The following LTA4H variants were observed in gnomAD, a reference collection of about 807,000 sequenced individuals.
LTA4H encodes the protein leukotriene A-4 hydrolase.
LTA4H carries 59 observed loss-of-function variants against 89.8 expected under a neutral mutation model. That is an observed-to-expected ratio of 0.66 (90% CI 0.53 to 0.82). The LOEUF is 0.82. LTA4H is among the 40% of genes least tolerant of loss of function. LTA4H has a pLI of 0.00. For synonymous variants in LTA4H, 227 were observed against 253.1 expected, an observed-to-expected ratio of 0.90 and a Z score of 0.98; for missense variants, 617 against 727.0, an observed-to-expected ratio of 0.85 and a Z score of 1.74.
At chr12:96,009,170 T>A in intron 14 of LTA4H, 22 bp from the exon 15 acceptor site, 1 of 1,530,698 alleles carries the variant, frequency 6.5e-7, no homozygotes, top group South Asian at 1.1e-5. Context: ...AAGATTACAT[T>A]GTTTAAAAAT....
At chr12:96,013,998 G>A in intron 12 of LTA4H, 145 bp from the exon 13 acceptor site, 1 of 532,416 alleles carries the variant, frequency 1.9e-6, no homozygotes, top group Middle Eastern at 2.9e-4. Flanking sequence ...CAGAGTGAAA[G>A]AATGTTCAAA....
intron 4 of LTA4H, among the ~76,000 whole-genome samples, chr12:96,024,154 G>A (rs1250870097): frequency 6.6e-6 from 1 of 151,958 alleles, no homozygotes; most frequent in South Asian, 2.1e-4. Flanking sequence ...GGATGGTCTC[G>A]ATCTCCTGAC....
intron 1 of LTA4H, among the ~76,000 whole-genome samples, chr12:96,029,789 C>G (rs1281705283): frequency 6.6e-6 from 1 of 152,082 alleles, no homozygotes; most frequent in African/African-American, 2.4e-5. Flanking sequence ...TTTTCTATCC[C>G]CAAAATCCTG....
Position 96,035,581 on chromosome 12 carries a change from G to T in LTA4H, c.-62C>A. 6.6e-7 allele frequency: 1 copy of T among 1,524,664 alleles called. No individual in the cohort carries two copies. Among genetic ancestry groups the T allele is most frequent in the Non-Finnish European group, 8.9e-7 (1 of 1,126,014 alleles). 94.4% of individuals were successfully genotyped at this position (1,524,664 alleles called of 1,614,324 possible). On this transcript the variant is annotated 5_prime_UTR_variant, in exon 1 of 19. Transcript: ENST00000228740. Reference sequence around the variant, plus strand: ...CCAACGCTCAGCTACCAGACTCGTCGATAGAGAACCTGAGGAGGAGGGAGA... The same window carrying T: ...CCAACGCTCAGCTACCAGACTCGTCTATAGAGAACCTGAGGAGGAGGGAGA...
intron 17 of LTA4H, 31 bp from the exon 18 acceptor site, chr12:96,003,095 T>A: frequency 6.9e-7 from 1 of 1,450,010 alleles, no homozygotes; most frequent in Non-Finnish European, 9.5e-7. Context: ...GAGCATGGAG[T>A]AGAAAATGAG....
At chr12:96,013,387 T>G (rs1007432248) in intron 13 of LTA4H, 129 bp from the exon 14 acceptor site, 2 of 600,940 alleles carry the variant, frequency 3.3e-6, no homozygotes, top group Non-Finnish European at 5.9e-6. Context: ...CTAAATCTTT[T>G]TTAAAAATTA....
chr12:96,012,063 CA>C (rs1950309647), intron 14 of LTA4H: 1 of 152,208 alleles, frequency 6.6e-6, no homozygotes, highest in Non-Finnish European at 1.5e-5. Context: ...TGTTTCCCAC[CA>C]CAGCCTATGA....
Position 96,013,865 on chromosome 12 carries a change from A to C in LTA4H, c.1205-12T>G. 8.6e-7 allele frequency: 1 copy of C among 1,163,106 alleles called. No homozygotes were observed. Among genetic ancestry groups the C allele is most frequent in the Non-Finnish European group, 1.3e-6 (1 of 793,100 alleles). The allele number at this position is 1,163,106 out of a possible 1,614,324, so 72.0% of individuals were successfully genotyped here. ...TCCTAGGAAAATCTCTAAGAGTAAA[A>C]AAGAAAAGAAATCAATTCATAGAAA... is the stretch of plus-strand genomic sequence containing the variant. On this transcript the variant is annotated splice_polypyrimidine_tract_variant and intron_variant, in intron 12 of 18. Coordinates refer to ENST00000228740, the MANE Select transcript of LTA4H (RefSeq NM_000895.3).
At chr12:96,040,380 T>A (rs747864478), upstream of LTA4H, among the ~76,000 whole-genome samples, 11 of 152,218 alleles carry the variant, frequency 7.2e-5, no homozygotes, top group Non-Finnish European at 1.5e-4. Flanking sequence ...TCATCCTTAG[T>A]AGTAAAACCT....
rs542406390 is a variant in LTA4H at position 96,029,389 on chromosome 12, T to A, written c.160-204A>T. On this transcript the variant is annotated intron_variant, in intron 1 of 18. Transcript: ENST00000228740. ...AAATTTTTGGGTTCTAAGATTTGCA[T>A]ATATATTGTTAAATAACCCTAGGAC... Among the ~76,000 whole-genome samples the A allele has an allele frequency of 2.6e-5, 4 of 152,310 alleles. No homozygotes were observed. In the South Asian group the frequency reaches 8.3e-4, roughly 32 times the overall value.
chr12:96,013,808 T>C lies in LTA4H; in HGVS notation c.1250A>G (p.Tyr417Cys), dbSNP rs1355356649. ...FLKAYVEKFS[Y>C]KSITTDDWKD... ...CCAGTCATCAGTAGTTATGCTCTTATAGGAAAACTTCTCAACATAAGCTTT... is the reference window on the plus strand; with the variant it reads ...CCAGTCATCAGTAGTTATGCTCTTACAGGAAAACTTCTCAACATAAGCTTT... Residue 417 changes from tyrosine (Y) to cysteine (C), a missense_variant, in exon 13 of 19, where the codon TAT (tyrosine) becomes TGT (cysteine). By Grantham distance (194) the Tyr-to-Cys change is radical. Coordinates refer to ENST00000228740, the MANE Select transcript of LTA4H (RefSeq NM_000895.3). 6 of 1,585,174 alleles carry C rather than the reference T, an allele frequency of 3.8e-6. No homozygotes were observed. Among genetic ancestry groups the C allele is most frequent in the African/African-American group, 1.4e-5 (1 of 73,726 alleles).
Position 96,022,543 on chromosome 12 carries a change from A to T in LTA4H, c.481-292T>A, listed in dbSNP as rs1950466266. ...TATCAGTTTTGTAAATAAAATTAGCAATATGGGAAACTGGCTTCTTTAAAA... is the reference window on the plus strand; with the variant it reads ...TATCAGTTTTGTAAATAAAATTAGCTATATGGGAAACTGGCTTCTTTAAAA... On this transcript the variant is annotated intron_variant, in intron 4 of 18. Transcript: ENST00000228740. This position sits in a 1 kb window ranked among gnomAD's most constrained non-coding sequence, Gnocchi z 4.0. Among the ~76,000 whole-genome samples the T allele has an allele frequency of 6.6e-6, 1 of 152,194 alleles. No homozygotes were observed. The highest frequency in any genetic ancestry group is 1.5e-5 in the Non-Finnish European group (1 of 68,036).
intron 1 of LTA4H, among the ~76,000 whole-genome samples, chr12:96,042,747 C>T (rs913320328): frequency 6.6e-6 from 1 of 152,114 alleles, no homozygotes; most frequent in South Asian, 2.1e-4. Context: ...AAATAAAGGT[C>T]CCTATTCCTG....
intron 16 of LTA4H, among the ~76,000 whole-genome samples, chr12:96,005,307 A>G (rs1950181125): frequency 6.6e-6 from 1 of 152,056 alleles, no homozygotes; most frequent in South Asian, 2.1e-4. Flanking sequence ...TACTCCCTCA[A>G]GTCCGGTACT....
chr12:96,001,397 C>T (rs909549006), intron 18 of LTA4H, among the ~76,000 whole-genome samples: 1 of 152,048 alleles, frequency 6.6e-6, no homozygotes, highest in Non-Finnish European at 1.5e-5. Flanking sequence ...TTTATACTGG[C>T]AGATCAGACA....
intron 3 of LTA4H, among the ~76,000 whole-genome samples, chr12:96,025,785 C>G: frequency 6.6e-6 from 1 of 151,062 alleles, no homozygotes; most frequent in African/African-American, 2.4e-5. Flanking sequence ...CAAGTTCGCA[C>G]CATTGCACTA....
At chr12:96,033,113 A>C (rs1299245988) in intron 1 of LTA4H, among the ~76,000 whole-genome samples, 5 of 152,206 alleles carry the variant, frequency 3.3e-5, no homozygotes, top group African/African-American at 1.2e-4. Context: ...TCAAATAATA[A>C]ATTTTTTAAG....
chr12:96,018,344 A>C (rs899841568), intron 8 of LTA4H, among the ~76,000 whole-genome samples: 3 of 152,118 alleles, frequency 2.0e-5, no homozygotes, highest in Non-Finnish European at 4.4e-5. Context: ...AGGTCAGAGG[A>C]TCGAGACTAC....
chr12:96,022,857 T>C lies in LTA4H; in HGVS notation c.481-606A>G, dbSNP rs1194785517. On this transcript the variant is annotated intron_variant, in intron 4 of 18. Transcript: ENST00000228740. This position sits in a 1 kb window ranked among gnomAD's most constrained non-coding sequence, Gnocchi z 4.0. ...ACAGATTCAAAAGGACGTTATATAC[T>C]CACTGTAGGACAGAATGGTTTTGAA... 6.6e-6 allele frequency among the ~76,000 whole-genome samples: 1 copy of C among 152,206 alleles called. No individual in the cohort carries two copies. Among genetic ancestry groups the C allele is most frequent in the Non-Finnish European group, 1.5e-5 (1 of 68,036 alleles).
Sources: gnomAD v4.1 joint callset for allele counts (sites outside exome capture counted in the v4.1 genomes callset) on GRCh38, gnomAD v4.1.1 for gene constraint, Gnocchi (gnomAD v3.1) non-coding constraint, MANE v1.5 for transcripts, NCBI Gene and HGNC (gene_info 2026-07-23, HGNC 2026-07-21) for gene names.